The following CCDC12 variants were observed in gnomAD, a reference collection of about 807,000 sequenced individuals.
CCDC12 encodes the protein coiled-coil domain containing 12.
In CCDC12, 28 loss-of-function variants were observed where a neutral mutation model predicts 25.7. That is an observed-to-expected ratio of 1.09 (90% CI 0.81 to 1.50). CCDC12 has a LOEUF of 1.50. Among genes scored for constraint, CCDC12 ranks in the 40% most tolerant of loss-of-function variants. The pLI, the probability that CCDC12 is intolerant of heterozygous loss-of-function variation, is 0.00. For missense variants in CCDC12, 198 were observed against 210.0 expected, an observed-to-expected ratio of 0.94 and a Z score of 0.35; for synonymous variants, 75 against 87.7, an observed-to-expected ratio of 0.86 and a Z score of 0.81.
intron 1 of CCDC12, among the ~76,000 whole-genome samples, chr3:46,944,372 C>G (rs544909917): frequency 3.3e-5 from 5 of 152,084 alleles, no homozygotes; most frequent in African/African-American, 1.2e-4. Flanking sequence ...GCTCCCCACA[C>G]AGTTCAGACC....
At chr3:46,974,851 C>T (rs1208442522) in intron 1 of CCDC12, among the ~76,000 whole-genome samples, 1 of 152,192 alleles carries the variant, frequency 6.6e-6, no homozygotes, top group Non-Finnish European at 1.5e-5. Flanking sequence ...TCTCTGTAGC[C>T]CTTTCACACA....
At chr3:46,927,517 T>C (rs1393513146) in intron 2 of CCDC12, among the ~76,000 whole-genome samples, 1 of 152,122 alleles carries the variant, frequency 6.6e-6, no homozygotes, top group Non-Finnish European at 1.5e-5. Flanking sequence ...ACCCACCCAC[T>C]GCCCGAGGCT....
intron 1 of CCDC12, among the ~76,000 whole-genome samples, chr3:46,962,250 ATGGTAAAACCC>A (rs2034485474): frequency 6.6e-6 from 1 of 152,022 alleles, no homozygotes; most frequent in Admixed American, 6.6e-5. Flanking sequence ...CCTGGCCAAC[ATGGTAAAACCC>A]TGTCTCTACT....
At chr3:46,975,361 T>G (rs1440464284) in intron 1 of CCDC12, among the ~76,000 whole-genome samples, 1 of 151,796 alleles carries the variant, frequency 6.6e-6, no homozygotes, top group Non-Finnish European at 1.5e-5. Context: ...ATTTTTGTAT[T>G]TTCAGTAGAA....
intron 2 of CCDC12, among the ~76,000 whole-genome samples, chr3:46,939,270 A>G (rs1375331540): frequency 2.6e-5 from 4 of 152,140 alleles, no homozygotes. Flanking sequence ...TTTGAGATTC[A>G]CAACCATATG....
intron 1 of CCDC12, among the ~76,000 whole-genome samples, chr3:46,966,427 G>A (rs985662328): frequency 5.3e-5 from 8 of 152,008 alleles, no homozygotes; most frequent in African/African-American, 1.7e-4. Flanking sequence ...GCAGGAGAAC[G>A]GCTTGAGCAC....
chr3:46,949,081 G>A (rs2034016820), intron 1 of CCDC12, among the ~76,000 whole-genome samples: 1 of 152,230 alleles, frequency 6.6e-6, no homozygotes, highest in Non-Finnish European at 1.5e-5. Context: ...ACAGGCGAGT[G>A]TGAGAAGGTG....
intron 2 of CCDC12, among the ~76,000 whole-genome samples, chr3:46,934,929 C>T (rs2033384705): frequency 6.6e-6 from 1 of 152,216 alleles, no homozygotes; most frequent in East Asian, 1.9e-4. Flanking sequence ...AAGCTGATGT[C>T]ATGGATCAAA....
chr3:46,925,661 G>C, intron 2 of CCDC12, 126 bp from the exon 3 acceptor site: 1 of 817,970 alleles, frequency 1.2e-6, no homozygotes, highest in East Asian at 2.7e-5. Context: ...AGATAGCCTG[G>C]TAAGGAGGAG....
At chr3:46,944,925 C>T (rs1283601012) in intron 1 of CCDC12, among the ~76,000 whole-genome samples, 2 of 152,204 alleles carry the variant, frequency 1.3e-5, no homozygotes, top group African/African-American at 4.8e-5. Context: ...AACACTCTTA[C>T]ACCCCACATT....
At chr3:46,922,995 G>A in intron 5 of CCDC12, 1 of 249,492 alleles carries the variant, frequency 4.0e-6, no homozygotes, top group African/African-American at 2.2e-5. Context: ...ACAGAAAACT[G>A]TGTCTGCCCT....
intron 1 of CCDC12, among the ~76,000 whole-genome samples, chr3:46,941,858 C>T (rs968355166): frequency 1.3e-5 from 2 of 152,184 alleles, no homozygotes; most frequent in African/African-American, 4.8e-5. Context: ...TCCAGAAATA[C>T]CTATTTGATT....
chr3:46,972,924 TATC>T (rs1365643847), intron 1 of CCDC12, among the ~76,000 whole-genome samples: 9 of 152,018 alleles, frequency 5.9e-5, no homozygotes, highest in African/African-American at 1.9e-4. Context: ...TAAACAGAAT[TATC>T]ATATGATCCA....
chr3:46,952,386 A>C (rs1267112581), intron 1 of CCDC12, among the ~76,000 whole-genome samples: 1 of 152,190 alleles, frequency 6.6e-6, no homozygotes, highest in Non-Finnish European at 1.5e-5. Context: ...CATTGGGTAG[A>C]GCACAAGTTT....
chr3:46,944,825 C>G (rs1449706172), intron 1 of CCDC12, among the ~76,000 whole-genome samples: 1 of 152,140 alleles, frequency 6.6e-6, no homozygotes, highest in Admixed American at 6.5e-5. Flanking sequence ...CTGGTCAGAC[C>G]ACACTGCACC....
At chr3:46,950,883 A>C (rs1355533948) in intron 1 of CCDC12, among the ~76,000 whole-genome samples, 3 of 152,198 alleles carry the variant, frequency 2.0e-5, no homozygotes, top group Non-Finnish European at 2.9e-5. Context: ...ACATTATGCT[A>C]AGCGAAATAA....
At chr3:46,946,062 G>C (rs1286659873) in intron 1 of CCDC12, among the ~76,000 whole-genome samples, 1 of 152,212 alleles carries the variant, frequency 6.6e-6, no homozygotes, top group African/African-American at 2.4e-5. Context: ...ATTGCTGTCT[G>C]AATGTAGTAC....
chr3:46,943,501 G>A lies in CCDC12; in HGVS notation c.97-2436C>T, dbSNP rs1255927144. Among the ~76,000 whole-genome samples, 6 of 152,298 alleles carry A rather than the reference G, an allele frequency of 3.9e-5. No individual in the cohort carries two copies. In the South Asian group the frequency reaches 1.0e-3, roughly 26 times the overall value. ...GGGCAAGACCCCCAGCCACAAAGACGACTCCTTTCCACAGGGGTTCTGTTA... is the reference window on the plus strand; with the variant it reads ...GGGCAAGACCCCCAGCCACAAAGACAACTCCTTTCCACAGGGGTTCTGTTA... On this transcript the variant is annotated intron_variant, in intron 1 of 6. Coordinates refer to ENST00000683445, the MANE Select transcript of CCDC12 (RefSeq NM_001277074.2).
chr3:46,932,940 A>G (rs932113326), intron 2 of CCDC12, among the ~76,000 whole-genome samples: 1 of 152,234 alleles, frequency 6.6e-6, no homozygotes, highest in African/African-American at 2.4e-5. Flanking sequence ...CCAGAGTTGA[A>G]GGAAGAGCCG....
Sources: gnomAD v4.1 joint callset for allele counts (sites outside exome capture counted in the v4.1 genomes callset) on GRCh38, gnomAD v4.1.1 for gene constraint, MANE v1.5 for transcripts, NCBI Gene and HGNC (gene_info 2026-07-23, HGNC 2026-07-21) for gene names.